The following WDR11 variants were observed in gnomAD, a reference collection of about 807,000 sequenced individuals.
The protein encoded by WDR11 is WD repeat-containing protein 11.
WDR11 carries 83 observed loss-of-function variants against 151.2 expected under a neutral mutation model. That is an observed-to-expected ratio of 0.55 (90% CI 0.46 to 0.66). The LOEUF (loss-of-function observed/expected upper bound fraction) is 0.66, where lower values mean the gene tolerates loss of function less well. Ranked by LOEUF, WDR11 falls within the 30% of genes least tolerant of loss-of-function variation. WDR11 has a pLI of 0.00. For synonymous variants in WDR11, 484 were observed against 533.1 expected (o/e 0.91, Z 1.27); for missense variants, 1,301 against 1,480.9 (o/e 0.88, Z 1.99).
rs141295889 is a variant in WDR11, at chr10:120,885,891, C to T, written c.1926C>T (p.Thr642=). 232 of 1,613,654 alleles carry T rather than the reference C, an allele frequency of 1.4e-4. No individual in the cohort carries two copies. The highest frequency in any genetic ancestry group is 1.8e-4 in the Non-Finnish European group (212 of 1,179,818). The change falls in exon 15 of 29, where the codon ACC becomes ACT. Residue 642 remains threonine, a synonymous_variant. Coordinates refer to ENST00000263461, the MANE Select transcript of WDR11 (RefSeq NM_018117.12). ...CTCGAGAGGCCATGGCCCGCCAGAC[C>T]GTAGTCTCAGACACAGAGCTGAGTA... ...LATREAMARQ[T]VVSDTELSIV...
chr10:120,852,186 C>T, intron 1 of WDR11: 1 of 325,696 alleles, frequency 3.1e-6, no homozygotes, highest in Non-Finnish European at 5.9e-6. Context: ...TATCCCCAGG[C>T]ACATTGTGGA....
At chr10:120,874,220 T>C (rs1846671949) in intron 11 of WDR11, among the ~76,000 whole-genome samples, 1 of 127,834 alleles carries the variant, frequency 7.8e-6, no homozygotes, top group African/African-American at 3.2e-5. Context: ...TTGTTTTGTT[T>C]TGTTTTGTTT....
At chr10:120,898,449 T>A (rs1847691850) in intron 19 of WDR11, among the ~76,000 whole-genome samples, 2 of 152,246 alleles carry the variant, frequency 1.3e-5, no homozygotes, top group African/African-American at 4.8e-5. Context: ...TTCATTATAC[T>A]AGCCATATGT....
chr10:120,880,707 T>C (rs1467429059), intron 12 of WDR11, 119 bp from the exon 13 acceptor site: 2 of 859,652 alleles, frequency 2.3e-6, no homozygotes, highest in Admixed American at 2.3e-5. Context: ...AATGGAAGAA[T>C]GAATAGGAGA....
At position 120,908,980 on chromosome 10, in the gene WDR11, G is replaced by T; in HGVS notation, c.*267G>T. On this transcript the variant is annotated 3_prime_UTR_variant, in exon 29 of 29. Transcript: ENST00000263461. ...TATACTTTGGGAGAGAGCTTTAAGA[G>T]TCCCTGGAAATACTTTTTAATTTTT... is the stretch of plus-strand genomic sequence containing the variant. 1 of 444,542 alleles carries T rather than the reference G, an allele frequency of 2.2e-6. No homozygotes were observed. Among genetic ancestry groups the T allele is most frequent in the South Asian group, 3.2e-5 (1 of 30,892 alleles). The allele number at this position is 444,542 out of a possible 1,614,324, so 27.5% of individuals were successfully genotyped here. A position where few individuals can be genotyped will look rare whatever the true frequency, so the allele number is the denominator to read the frequency against.
At chr10:120,873,949 A>G (rs373597859) in intron 11 of WDR11, 26 bp downstream of exon 11, 1 of 1,488,920 alleles carries the variant, frequency 6.7e-7, no homozygotes, top group South Asian at 1.1e-5. Context: ...TGATGATGAC[A>G]TCACAAACAT....
intron 4 of WDR11, among the ~76,000 whole-genome samples, chr10:120,862,133 T>G (rs894391897): frequency 1.5e-5 from 2 of 132,994 alleles, no homozygotes; most frequent in African/African-American, 5.2e-5. Flanking sequence ...GTTTGTTTTT[T>G]GTTTTTGTTT....
At chr10:120,876,687 C>G (rs1322780016) in intron 11 of WDR11, among the ~76,000 whole-genome samples, 1 of 152,188 alleles carries the variant, frequency 6.6e-6, no homozygotes, top group Non-Finnish European at 1.5e-5. Flanking sequence ...CTTTTATGGT[C>G]AGCACTAACC....
Position 120,865,344 on chromosome 10 carries a change from A to G in WDR11, c.879+132A>G. ...TTCAATTTATCAAAAGACTAGCAAC[A>G]CTATTTTAGATTGTTTTTTTTGTCT... On this transcript the variant is annotated intron_variant, in intron 6 of 28. Coordinates refer to ENST00000263461, the MANE Select transcript of WDR11 (RefSeq NM_018117.12). The G allele has an allele frequency of 3.1e-6, 3 of 959,170 alleles. No homozygotes were observed. In the South Asian group the frequency reaches 4.7e-5, roughly 15 times the overall value. The allele number at this position is 959,170 out of a possible 1,614,324, so 59.4% of individuals were successfully genotyped here. A position where few individuals can be genotyped will look rare whatever the true frequency, so the allele number is the denominator to read the frequency against.
chr10:120,883,960 T>A (rs560763227), intron 14 of WDR11, 72 bp downstream of exon 14: 2 of 1,302,440 alleles, frequency 1.5e-6, no homozygotes, highest in African/African-American at 2.9e-5. Context: ...TGCTTAAGCT[T>A]GAATCAAAAT....
In WDR11 at chr10:120,870,389, G is replaced by A. The variant is rs189738244; in HGVS notation, c.1295-781G>A. On this transcript the variant is annotated intron_variant, in intron 9 of 28. Coordinates refer to ENST00000263461, the MANE Select transcript of WDR11 (RefSeq NM_018117.12). ...GGCAAGTTAATCCCAATATTCTGTA[G>A]TGGTTTATAGGAAGGAAATTTGTAT... Among the ~76,000 whole-genome samples the A allele has an allele frequency of 1.3e-4, 20 of 152,214 alleles. No individual in the cohort carries two copies. In the East Asian group the frequency reaches 3.5e-3, roughly 26 times the overall value.
chr10:120,878,276 A>G lies in WDR11; in HGVS notation c.1557-77A>G, dbSNP rs538811023. 324 of 1,217,236 alleles carry G rather than the reference A, an allele frequency of 2.7e-4. 1 individual carries two copies. The African/African-American group carries it at 4.5e-3, about 17-fold the overall frequency. The allele number at this position is 1,217,236 out of a possible 1,614,324, so 75.4% of individuals were successfully genotyped here. A position where few individuals can be genotyped will look rare whatever the true frequency, so the allele number is the denominator to read the frequency against. On this transcript the variant is annotated intron_variant, in intron 11 of 28. Transcript: ENST00000263461. ...TGTAATAAAATTTAGGTCTTTGGAA[A>G]ACTTATTTTTCAAATAAATGAACCT...
At chr10:120,867,295 AT>A in intron 9 of WDR11, 126 bp downstream of exon 9, 3 of 742,052 alleles carry the variant, frequency 4.0e-6, no homozygotes, top group Non-Finnish European at 4.7e-6. Context: ...AGAACATGGA[AT>A]CATTCTTTCC....
At chr10:120,871,404 T>A (rs928099105) in intron 10 of WDR11, 58 bp downstream of exon 10, 14 of 1,527,192 alleles carry the variant, frequency 9.2e-6, no homozygotes, top group Admixed American at 5.2e-5. Context: ...GTTTAGGTTT[T>A]CTAGTTTCTA....
In WDR11 at chr10:120,905,554, T is replaced by G; in HGVS notation, c.3291+138T>G. Reference sequence around the variant, plus strand: ...AAATACTGTCTTGGAACCTTTATCCTTTTCCTATTCTTTATGAGTGTAAAT... The same window carrying G: ...AAATACTGTCTTGGAACCTTTATCCGTTTCCTATTCTTTATGAGTGTAAAT... On this transcript the variant is annotated intron_variant, in intron 26 of 28. Coordinates refer to ENST00000263461, the MANE Select transcript of WDR11 (RefSeq NM_018117.12). 3 of 922,912 alleles carry G rather than the reference T, an allele frequency of 3.3e-6. No individual in the cohort carries two copies. In the South Asian group the frequency reaches 4.2e-5, roughly 13 times the overall value. 57.2% of individuals were successfully genotyped at this position (922,912 alleles called of 1,614,324 possible). A position where few individuals can be genotyped will look rare whatever the true frequency, so the allele number is the denominator to read the frequency against.
chr10:120,902,907 C>T lies in WDR11; in HGVS notation c.2754-148C>T, dbSNP rs1847881642. On this transcript the variant is annotated intron_variant, in intron 22 of 28. Transcript: ENST00000263461. Reference sequence around the variant, plus strand: ...CCCAGTAGCAGGGCAGGAGAACTTGCTGCCTCCCCCTTTCACCCTGTCAGG... The same window carrying T: ...CCCAGTAGCAGGGCAGGAGAACTTGTTGCCTCCCCCTTTCACCCTGTCAGG... The T allele has an allele frequency of 2.6e-5, 21 of 816,280 alleles. No individual in the cohort carries two copies. The Admixed American group carries it at 4.2e-4, about 16-fold the overall frequency. 50.6% of individuals were successfully genotyped at this position (816,280 alleles called of 1,614,324 possible). A position where few individuals can be genotyped will look rare whatever the true frequency, so the allele number is the denominator to read the frequency against.
At chr10:120,908,368 C>T (rs1848150779) in intron 28 of WDR11, 188 bp from the exon 29 acceptor site, 1 of 642,458 alleles carries the variant, frequency 1.6e-6, no homozygotes, top group Non-Finnish European at 2.8e-6. Context: ...ACATGGCCTA[C>T]TATGGCCGGG....
In WDR11 at chr10:120,862,134, G is replaced by C. The variant is rs553659529; in HGVS notation, c.527-601G>C. ...AAGTTTTTTTGTTTGTTTGTTTTTT[G>C]TTTTTGTTTTTGTTTTTTTTTTTTG... On this transcript the variant is annotated intron_variant, in intron 4 of 28. Coordinates refer to ENST00000263461, the MANE Select transcript of WDR11 (RefSeq NM_018117.12). Among the ~76,000 whole-genome samples the C allele has an allele frequency of 4.5e-4, 59 of 131,700 alleles. 1 individual carries two copies. The highest frequency in any genetic ancestry group is 4.3e-3 in the Admixed American group (51 of 11,826). 86.4% of individuals were successfully genotyped at this position (131,700 alleles called of 152,430 possible). A position where few individuals can be genotyped will look rare whatever the true frequency, so the allele number is the denominator to read the frequency against.
chr10:120,887,852 A>G (rs1200167224), intron 16 of WDR11, among the ~76,000 whole-genome samples: 3 of 152,250 alleles, frequency 2.0e-5, no homozygotes, highest in African/African-American at 7.2e-5. Context: ...CAACTTCTTA[A>G]TTAAACATTC....
Sources: gnomAD v4.1 joint callset for allele counts (sites outside exome capture counted in the v4.1 genomes callset) on GRCh38, gnomAD v4.1.1 for gene constraint, MANE v1.5 for transcripts, NCBI Gene and HGNC (gene_info 2026-07-23, HGNC 2026-07-21) for gene names.